NAALADL2: variants seen among roughly 807,000 people sequenced by gnomAD.
NAALADL2 encodes N-acetylated alpha-linked acidic dipeptidase like 2.
Under a neutral mutation model 87.2 loss-of-function variants are expected in NAALADL2, and 76 were observed. That is an observed-to-expected ratio of 0.87 (90% CI 0.72 to 1.05). The LOEUF (loss-of-function observed/expected upper bound fraction) is 1.05. NAALADL2 is among the 50% of genes least tolerant of loss of function. NAALADL2 has a pLI of 0.00. For missense variants in NAALADL2, 1,089 were observed against 945.8 expected, an observed-to-expected ratio of 1.15 and a Z score of -1.99; for synonymous variants, 354 against 331.0, an observed-to-expected ratio of 1.07 and a Z score of -0.75.
rs192517303 is a variant in NAALADL2 at position 175,294,525 on chromosome 3, G to A, written c.940-29650G>A. On this transcript the variant is annotated intron_variant, in intron 4 of 13. Transcript: ENST00000454872. ...CAATTATCCTAAATGGGAGACATTA[G>A]CAGTCACCTAAAGATATGACCTATT... Among the ~76,000 whole-genome samples the A allele has an allele frequency of 2.6e-5, 4 of 152,238 alleles. No homozygotes were observed. In the East Asian group the frequency reaches 7.7e-4, roughly 29 times the overall value.
intron 4 of NAALADL2, among the ~76,000 whole-genome samples, chr3:175,288,788 T>C (rs1755289314): frequency 1.3e-5 from 2 of 152,166 alleles, no homozygotes. Context: ...TTGTGGGATG[T>C]TGAGTGGAAT....
chr3:175,547,568 TTAAAC>T (rs1483130326), intron 9 of NAALADL2, among the ~76,000 whole-genome samples: 1 of 152,110 alleles, frequency 6.6e-6, no homozygotes, highest in Non-Finnish European at 1.5e-5. Context: ...TGGAATCTAA[TTAAAC>T]TAAAGAGCTT....
chr3:175,035,883 C>T (rs75103042), intron 1 of NAALADL2, among the ~76,000 whole-genome samples: 8,998 of 152,050 alleles, frequency 0.059, 335 homozygotes, highest in Middle Eastern at 0.12. Flanking sequence ...GAGTTACACC[C>T]GATATGACTA....
intron 2 of NAALADL2, among the ~76,000 whole-genome samples, chr3:175,150,629 A>G (rs1731412172): frequency 6.6e-6 from 1 of 152,180 alleles, no homozygotes; most frequent in East Asian, 1.9e-4. Context: ...TTCATTTGTC[A>G]TAACTAATGG....
At chr3:175,295,743 A>ACACACACTCC (rs1195760568) in intron 4 of NAALADL2, among the ~76,000 whole-genome samples, 1 of 150,634 alleles carries the variant, frequency 6.6e-6, no homozygotes, top group Non-Finnish European at 1.5e-5. Context: ...ACACACACAC[A>ACACACACTCC]CACTCCCTCT....
chr3:175,676,083 C>G (rs1181167270), intron 11 of NAALADL2: 4 of 152,068 alleles, frequency 2.6e-5, no homozygotes, highest in Non-Finnish European at 2.9e-5. Flanking sequence ...ATTCCATATG[C>G]TTCATCAGGG....
At chr3:175,527,147 G>T (rs190037814) in intron 9 of NAALADL2, among the ~76,000 whole-genome samples, 3 of 152,258 alleles carry the variant, frequency 2.0e-5, no homozygotes, top group East Asian at 3.9e-4. Flanking sequence ...ACCAATCTAG[G>T]TGGGAGGAAA....
chr3:175,551,569 G>A (rs1282283997), intron 9 of NAALADL2, among the ~76,000 whole-genome samples: 8 of 152,156 alleles, frequency 5.3e-5, no homozygotes, highest in African/African-American at 1.9e-4. Context: ...CAAAGTGAGA[G>A]TTATTCTCCA....
chr3:174,610,725 A>T (rs1719740582), intron 2 of NAALADL2, among the ~76,000 whole-genome samples: 1 of 109,708 alleles, frequency 9.1e-6, no homozygotes, highest in Admixed American at 1.0e-4. Context: ...TTGGGACCGT[A>T]AACTAGTTCA....
intron 4 of NAALADL2, among the ~76,000 whole-genome samples, chr3:175,293,074 G>A (rs903684733): frequency 8.8e-5 from 13 of 148,350 alleles, no homozygotes; most frequent in Non-Finnish European, 1.6e-4. Context: ...GGGGGAACTC[G>A]GTTATTGTTC....
chr3:175,429,670 A>C (rs1717427037), intron 5 of NAALADL2, among the ~76,000 whole-genome samples: 1 of 152,086 alleles, frequency 6.6e-6, no homozygotes, highest in Non-Finnish European at 1.5e-5. Context: ...ACATGCAACA[A>C]AATTCATGGA....
chr3:174,922,179 G>C (rs1247167140), intron 1 of NAALADL2, among the ~76,000 whole-genome samples: 1 of 151,870 alleles, frequency 6.6e-6, no homozygotes, highest in Non-Finnish European at 1.5e-5. Flanking sequence ...GCATGATGTT[G>C]TACACCTGTA....
At chr3:174,553,146 ATGT>A (rs377207653) in intron 2 of NAALADL2, among the ~76,000 whole-genome samples, 144 of 152,288 alleles carry the variant, frequency 9.5e-4, no homozygotes, top group African/African-American at 3.1e-3. Flanking sequence ...TTAAAAGTAG[ATGT>A]TGTTGGAAAT....
chr3:175,219,840 C>A (rs1743074010), intron 2 of NAALADL2, among the ~76,000 whole-genome samples: 1 of 148,418 alleles, frequency 6.7e-6, no homozygotes, highest in Admixed American at 6.7e-5. Context: ...TTTAAAATTT[C>A]TCTCAATAAT....
chr3:175,092,429 A>G (rs367719174), intron 1 of NAALADL2, among the ~76,000 whole-genome samples: 1 of 151,916 alleles, frequency 6.6e-6, no homozygotes, highest in South Asian at 2.1e-4. Flanking sequence ...CGTAAGTGGC[A>G]TAAGTAATAT....
chr3:175,076,334 T>TG (rs1464861541), intron 1 of NAALADL2, among the ~76,000 whole-genome samples: 18 of 151,774 alleles, frequency 1.2e-4, no homozygotes, highest in African/African-American at 4.3e-4. Flanking sequence ...TTTTTTTTTT[T>TG]TTTTTTACTT....
At chr3:175,224,667 T>C (rs1405544787) in intron 2 of NAALADL2, among the ~76,000 whole-genome samples, 2 of 152,136 alleles carry the variant, frequency 1.3e-5, no homozygotes, top group Admixed American at 6.6e-5. Context: ...CCTGGCCTGA[T>C]AGGAATAATG....
At chr3:174,981,594 A>G (rs2108654697) in intron 1 of NAALADL2, among the ~76,000 whole-genome samples, 1 of 152,352 alleles carries the variant, frequency 6.6e-6, no homozygotes, top group East Asian at 1.9e-4. Flanking sequence ...TTCTCTACAT[A>G]TATCAAATGT....
chr3:174,495,419 T>C (rs1718469960), intron 1 of NAALADL2, among the ~76,000 whole-genome samples: 1 of 152,206 alleles, frequency 6.6e-6, no homozygotes, highest in Non-Finnish European at 1.5e-5. Context: ...TTTACTAGGC[T>C]CTGTAAGTAA....
Sources: gnomAD v4.1 joint callset for allele counts (sites outside exome capture counted in the v4.1 genomes callset) on GRCh38, gnomAD v4.1.1 for gene constraint, MANE v1.5 for transcripts, NCBI Gene and HGNC (gene_info 2026-07-23, HGNC 2026-07-21) for gene names.